MAML2: variants seen among roughly 807,000 people sequenced by gnomAD.
The protein encoded by MAML2 is mastermind like transcriptional coactivator 2.
A neutral mutation model predicts 96.1 loss-of-function variants in MAML2; 22 were observed. That is an observed-to-expected ratio of 0.23 (90% confidence interval 0.16 to 0.33). The LOEUF (loss-of-function observed/expected upper bound fraction) is 0.33, where lower values mean the gene tolerates loss of function less well. Ranked by LOEUF, MAML2 falls within the 10% of genes least tolerant of loss-of-function variation. The pLI, the probability that MAML2 is intolerant of heterozygous loss-of-function variation, is 1.00. For missense variants in MAML2, 1,367 were observed against 1,392.4 expected, an observed-to-expected ratio of 0.98 and a Z score of 0.29; for synonymous variants, 561 against 521.3, an observed-to-expected ratio of 1.08 and a Z score of -1.04.
intron 1 of MAML2, among the ~76,000 whole-genome samples, chr11:96,122,701 G>C (rs1203947010): frequency 1.3e-5 from 2 of 152,176 alleles, no homozygotes; most frequent in Non-Finnish European, 2.9e-5. Context: ...ATTCTGTGTG[G>C]TTTAGAGGGA....
At chr11:96,072,265 G>C (rs959770778) in intron 2 of MAML2, among the ~76,000 whole-genome samples, 74 of 152,122 alleles carry the variant, frequency 4.9e-4, no homozygotes, top group African/African-American at 1.7e-3. Context: ...TTCAGGGTAT[G>C]TCCTGACTGC....
At chr11:96,126,094 C>T (rs1860433654) in intron 1 of MAML2, among the ~76,000 whole-genome samples, 1 of 152,148 alleles carries the variant, frequency 6.6e-6, no homozygotes, top group African/African-American at 2.4e-5. Flanking sequence ...GACATGCTGA[C>T]TTATAAGCCC....
chr11:96,006,563 CTTT>C (rs367732430), intron 2 of MAML2, among the ~76,000 whole-genome samples: 1 of 138,656 alleles, frequency 7.2e-6, no homozygotes, highest in African/African-American at 2.6e-5. Context: ...TTTTTTTTTT[CTTT>C]TTTTTTTTTA....
chr11:96,088,762 A>C (rs1052557521), intron 2 of MAML2, among the ~76,000 whole-genome samples: 2 of 152,182 alleles, frequency 1.3e-5, no homozygotes, highest in African/African-American at 4.8e-5. Context: ...TCCATCTCTC[A>C]GGCATCATTT....
At chr11:96,136,104 G>C (rs1351754140) in intron 1 of MAML2, among the ~76,000 whole-genome samples, 1 of 150,018 alleles carries the variant, frequency 6.7e-6, no homozygotes, top group Non-Finnish European at 1.5e-5. Context: ...TTTTGATCTA[G>C]AGTATGAAGA....
At chr11:96,238,240 C>T (rs1862390565) in intron 1 of MAML2, among the ~76,000 whole-genome samples, 1 of 152,146 alleles carries the variant, frequency 6.6e-6, no homozygotes, top group South Asian at 2.1e-4. Flanking sequence ...CATGCTAGGA[C>T]ACCTCACATA....
intron 4 of MAML2, among the ~76,000 whole-genome samples, chr11:95,984,051 G>A (rs965353426): frequency 6.6e-6 from 1 of 152,114 alleles, no homozygotes; most frequent in Non-Finnish European, 1.5e-5. Flanking sequence ...CACGGTAAGG[G>A]CCCTATACAA....
At chr11:96,039,434 G>A (rs1039744501) in intron 2 of MAML2, among the ~76,000 whole-genome samples, 1 of 151,000 alleles carries the variant, frequency 6.6e-6, no homozygotes, top group African/African-American at 2.4e-5. Flanking sequence ...AGGAGAGGAG[G>A]GAACAGAAAA....
chr11:96,318,495 T>C (rs1395339417), intron 1 of MAML2, among the ~76,000 whole-genome samples: 1 of 152,198 alleles, frequency 6.6e-6, no homozygotes, highest in Non-Finnish European at 1.5e-5. Context: ...GCTACATTTT[T>C]CTAAAAACAA....
chr11:96,240,580 A>AAAAAAAAAAAAAAAAAAAG (rs1862423738), intron 1 of MAML2, among the ~76,000 whole-genome samples: 1 of 147,992 alleles, frequency 6.8e-6, no homozygotes, highest in African/African-American at 2.5e-5. Flanking sequence ...AAAAAAAAAA[A>AAAAAAAAAAAAAAAAAAAG]AAAGAAAGCT....
At chr11:96,154,287 A>C (rs1356920263) in intron 1 of MAML2, among the ~76,000 whole-genome samples, 1 of 152,152 alleles carries the variant, frequency 6.6e-6, no homozygotes, top group Non-Finnish European at 1.5e-5. Flanking sequence ...CTGGGGACAA[A>C]ACTTTTGAGC....
At chr11:96,055,463 G>A (rs192181598) in intron 2 of MAML2, among the ~76,000 whole-genome samples, 1 of 152,294 alleles carries the variant, frequency 6.6e-6, no homozygotes, top group East Asian at 1.9e-4. Context: ...CAAGAAGTGA[G>A]GGTAAATGAA....
intron 2 of MAML2, among the ~76,000 whole-genome samples, chr11:95,999,303 C>A (rs1413884255): frequency 6.6e-6 from 1 of 152,064 alleles, no homozygotes; most frequent in Non-Finnish European, 1.5e-5. Context: ...TGTGAGAGAT[C>A]TTTAAAAAAG....
chr11:96,010,589 G>C (rs909910115), intron 2 of MAML2, among the ~76,000 whole-genome samples: 1 of 152,178 alleles, frequency 6.6e-6, no homozygotes, highest in East Asian at 1.9e-4. Context: ...CAATGTAGAT[G>C]AGTTAAGAAT....
At chr11:96,298,837 T>C (rs1246291163) in intron 1 of MAML2, among the ~76,000 whole-genome samples, 1 of 146,280 alleles carries the variant, frequency 6.8e-6, no homozygotes. Context: ...GGTCAGGAGA[T>C]CGAGACCATC....
At chr11:96,340,006 C>T (rs1863970805) in intron 1 of MAML2, among the ~76,000 whole-genome samples, 1 of 152,202 alleles carries the variant, frequency 6.6e-6, no homozygotes, top group African/African-American at 2.4e-5. Flanking sequence ...AGTTATTTTT[C>T]ATCTGGAGCT....
chr11:96,058,721 C>T (rs1193279237), intron 2 of MAML2, among the ~76,000 whole-genome samples: 1 of 152,182 alleles, frequency 6.6e-6, no homozygotes, highest in Admixed American at 6.5e-5. Flanking sequence ...GAATTCTGCC[C>T]ATCTGCCTGC....
intron 1 of MAML2, among the ~76,000 whole-genome samples, chr11:96,107,720 C>T (rs181253656): frequency 9.0e-4 from 137 of 152,242 alleles, no homozygotes; most frequent in Middle Eastern, 3.4e-3. Flanking sequence ...CTAAAGGTTG[C>T]GTTGATCACC....
chr11:96,343,182 GAA>G lies in MAML2; in HGVS notation c.-1289_-1288del. 1 of 293,332 alleles carries G rather than the reference GAA, an allele frequency of 3.4e-6. No individual in the cohort carries two copies. The highest frequency in any genetic ancestry group is 6.1e-6 in the Non-Finnish European group (1 of 163,046). 18.2% of individuals were successfully genotyped at this position (293,332 alleles called of 1,614,324 possible). On this transcript the variant is annotated 5_prime_UTR_variant, in exon 1 of 5. Coordinates refer to ENST00000524717, the MANE Select transcript of MAML2 (RefSeq NM_032427.4). ...ATTGTGCTCCGATAGGAGAGGGAGAGAAAGAGAGAGAGTGAGACAGAGAAGGA... is the reference window on the plus strand; with the variant it reads ...ATTGTGCTCCGATAGGAGAGGGAGAGAGAGAGAGAGTGAGACAGAGAAGGA...
Sources: gnomAD v4.1 joint callset for allele counts (sites outside exome capture counted in the v4.1 genomes callset) on GRCh38, gnomAD v4.1.1 for gene constraint, MANE v1.5 for transcripts, NCBI Gene and HGNC (gene_info 2026-07-23, HGNC 2026-07-21) for gene names.